TMEM212: variants seen among roughly 807,000 people sequenced by gnomAD.
TMEM212 encodes transmembrane protein 212.
In TMEM212, 23 loss-of-function variants were observed where a neutral mutation model predicts 20.5. That is an observed-to-expected ratio of 1.12 (90% CI 0.81 to 1.59). TMEM212 has a LOEUF of 1.59. Ranked by LOEUF, TMEM212 falls within the 40% of genes most tolerant of loss-of-function variation. The probability of loss-of-function intolerance (pLI) is 0.00; values close to 1 mark genes in which losing one functional copy is unlikely to be tolerated. For synonymous variants in TMEM212, 76 were observed against 81.6 expected (o/e 0.93, Z 0.37); for missense variants, 211 against 215.0 (o/e 0.98, Z 0.12).
At position 171,852,748 on chromosome 3, in the gene TMEM212, T is replaced by G. The variant is rs189490590; in HGVS notation, c.219+707T>G. 3.3e-5 allele frequency among the ~76,000 whole-genome samples: 5 copies of G among 152,382 alleles called. No individual in the cohort carries two copies. The East Asian group carries it at 9.6e-4, about 29-fold the overall frequency. On this transcript the variant is annotated intron_variant, in intron 2 of 4. Transcript: ENST00000334567. ...TGAAAAGTCTATGCTATCTTGCATT[T>G]CAACTGCATAAAACCAGATAATCCC...
intron 3 of TMEM212, among the ~76,000 whole-genome samples, chr3:171,855,196 T>C (rs1394790275): frequency 6.6e-6 from 1 of 152,206 alleles, no homozygotes. Flanking sequence ...CCTCAAAAAT[T>C]CAGCTCTTTC....
chr3:171,849,601 TACC>T (rs1724924936), intron 1 of TMEM212, among the ~76,000 whole-genome samples: 1 of 152,216 alleles, frequency 6.6e-6, no homozygotes, highest in African/African-American at 2.4e-5. Context: ...ATCAGCACAG[TACC>T]TAGCACATTG....
chr3:171,852,269 C>T (rs1724994554), intron 2 of TMEM212, among the ~76,000 whole-genome samples: 1 of 151,706 alleles, frequency 6.6e-6, no homozygotes, highest in Non-Finnish European at 1.5e-5. Flanking sequence ...GGCATGATCT[C>T]GGCTCACTAC....
intron 1 of TMEM212, among the ~76,000 whole-genome samples, chr3:171,847,727 T>C (rs936560370): frequency 2.6e-5 from 4 of 152,022 alleles, no homozygotes; most frequent in African/African-American, 9.7e-5. Context: ...ATTCTGGCTA[T>C]ACAGACCTAC....
intron 1 of TMEM212, among the ~76,000 whole-genome samples, chr3:171,849,586 ACTTT>A (rs1419845667): frequency 6.6e-6 from 1 of 152,212 alleles, no homozygotes; most frequent in African/African-American, 2.4e-5. Context: ...ATTTATTATT[ACTTT>A]ATCAGCACAG....
At chr3:171,850,480 C>CA (rs1259753744) in intron 1 of TMEM212, among the ~76,000 whole-genome samples, 9 of 152,358 alleles carry the variant, frequency 5.9e-5, no homozygotes, top group African/African-American at 2.2e-4. Flanking sequence ...GCTATCTACT[C>CA]AGAGTTAAAC....
intron 1 of TMEM212, among the ~76,000 whole-genome samples, chr3:171,844,830 T>G (rs2108377552): frequency 6.6e-6 from 1 of 152,312 alleles, no homozygotes; most frequent in African/African-American, 2.4e-5. Context: ...TTTAATCTAC[T>G]TATTAGATAA....
intron 1 of TMEM212, among the ~76,000 whole-genome samples, chr3:171,846,978 G>A (rs780786224): frequency 6.6e-6 from 1 of 152,178 alleles, no homozygotes; most frequent in Non-Finnish European, 1.5e-5. Context: ...TTGTAAGAAA[G>A]AGATTTTTGT....
rs116074956 is a variant in TMEM212, at chr3:171,850,600, G to T, written c.160-1382G>T. Reference sequence around the variant, plus strand: ...GGCCATGCCTCCCAAAGCACAGAAAGCCCCAGGCTTACCCTACAGCACCGG... The same window carrying T: ...GGCCATGCCTCCCAAAGCACAGAAATCCCCAGGCTTACCCTACAGCACCGG... On this transcript the variant is annotated intron_variant, in intron 1 of 4. Coordinates refer to ENST00000334567, the MANE Select transcript of TMEM212 (RefSeq NM_001164436.2). Among the ~76,000 whole-genome samples the T allele has an allele frequency of 5.9e-3, 904 of 152,278 alleles. 7 individuals carry two copies. The highest frequency in any genetic ancestry group is 0.02 in the African/African-American group (846 of 41,570).
At chr3:171,843,568 T>C (rs749120415) in intron 1 of TMEM212, 26 bp downstream of exon 1, 38 of 1,500,464 alleles carry the variant, frequency 2.5e-5, no homozygotes, top group East Asian at 5.0e-5. Context: ...ATTAAATATA[T>C]TGAGAAAATA....
At chr3:171,843,636 C>T in intron 1 of TMEM212, 94 bp downstream of exon 1, 1 of 1,138,498 alleles carries the variant, frequency 8.8e-7, no homozygotes, top group Non-Finnish European at 1.2e-6. Context: ...ATTGTTCTAA[C>T]AATACAAAGA....
intron 1 of TMEM212, among the ~76,000 whole-genome samples, chr3:171,845,284 C>T (rs1158095958): frequency 3.3e-5 from 5 of 152,092 alleles, no homozygotes; most frequent in African/African-American, 1.2e-4. Flanking sequence ...AAATAGATAT[C>T]TACATCTATT....
chr3:171,852,011 G>T lies in TMEM212; in HGVS notation c.189G>T (p.Leu63Phe), dbSNP rs1466709739. The change falls in exon 2 of 5, where the codon TTG becomes TTT. Residue 63 changes from leucine (L) to phenylalanine (F), a missense_variant. Physicochemically the swap from Leu to Phe is conservative, Grantham distance 22 (BLOSUM62 0). Transcript: ENST00000334567. Reference sequence around the variant, plus strand: ...TCACAACTGGTGTGCTTCTACTGTTGGCTTACAGAGAGTGGACCCAGAGGT... The same window carrying T: ...TCACAACTGGTGTGCTTCTACTGTTTGCTTACAGAGAGTGGACCCAGAGGT... ...LAITTGVLLL[L>F]AYREWTQRYL... The T allele has an allele frequency of 6.5e-7, 1 of 1,536,928 alleles. No individual in the cohort carries two copies. The highest frequency in any genetic ancestry group is 8.7e-7 in the Non-Finnish European group (1 of 1,146,706).
intron 1 of TMEM212, among the ~76,000 whole-genome samples, chr3:171,849,494 A>G (rs114448193): frequency 1.3e-4 from 20 of 152,292 alleles, no homozygotes; most frequent in African/African-American, 4.6e-4. Context: ...TATCTACATG[A>G]TAAGGTCATT....
chr3:171,855,461 A>C (rs1024488250), intron 3 of TMEM212, among the ~76,000 whole-genome samples: 2 of 152,088 alleles, frequency 1.3e-5, no homozygotes, highest in Admixed American at 6.6e-5. Flanking sequence ...AAAAATACAC[A>C]AAAAAATTAG....
intron 1 of TMEM212, among the ~76,000 whole-genome samples, chr3:171,849,765 A>G (rs527620994): frequency 8.5e-5 from 13 of 152,264 alleles, no homozygotes; most frequent in Admixed American, 8.5e-4. Flanking sequence ...TACTTAGGCA[A>G]TTTAAAGATT....
At chr3:171,845,212 A>T (rs1724804822) in intron 1 of TMEM212, among the ~76,000 whole-genome samples, 1 of 152,180 alleles carries the variant, frequency 6.6e-6, no homozygotes, top group African/African-American at 2.4e-5. Flanking sequence ...TCAGAGTCAG[A>T]AAAATATTTT....
rs1378407754 is a variant in TMEM212 at position 171,843,558 on chromosome 3, A to G, written c.159+16A>G. Reference sequence around the variant, plus strand: ...TGGAGCTTTGGTATGAAAATAGTTTATTAAATATATTGAGAAAATAAAAGA... The same window carrying G: ...TGGAGCTTTGGTATGAAAATAGTTTGTTAAATATATTGAGAAAATAAAAGA... On this transcript the variant is annotated intron_variant, in intron 1 of 4. Coordinates refer to ENST00000334567, the MANE Select transcript of TMEM212 (RefSeq NM_001164436.2). The G allele has an allele frequency of 6.6e-7, 1 of 1,514,600 alleles. No homozygotes were observed. Among genetic ancestry groups the G allele is most frequent in the Non-Finnish European group, 8.8e-7 (1 of 1,135,684 alleles). 93.8% of individuals were successfully genotyped at this position (1,514,600 alleles called of 1,614,324 possible).
At position 171,848,606 on chromosome 3, in the gene TMEM212, A is replaced by C. The variant is rs189583699; in HGVS notation, c.160-3376A>C. Among the ~76,000 whole-genome samples, 18 of 152,110 alleles carry C rather than the reference A, an allele frequency of 1.2e-4. No homozygotes were observed. In the East Asian group the frequency reaches 3.3e-3, roughly 28 times the overall value. ...ATAGAATAGAATAGAATAGAATAGAATAGAACAGAGGAGAACAGAGTAGAG... is the reference window on the plus strand; with the variant it reads ...ATAGAATAGAATAGAATAGAATAGACTAGAACAGAGGAGAACAGAGTAGAG... On this transcript the variant is annotated intron_variant, in intron 1 of 4. Transcript: ENST00000334567.
Sources: allele counts gnomAD v4.1 joint callset (sites outside exome capture counted in the v4.1 genomes callset), GRCh38; gene constraint gnomAD v4.1.1; transcripts MANE v1.5; gene names NCBI Gene and HGNC (gene_info 2026-07-23, HGNC 2026-07-21).